The following SHISA5 variants were observed in gnomAD, a reference collection of about 807,000 sequenced individuals.
SHISA5 encodes the protein protein shisa-5.
A neutral mutation model predicts 27.5 loss-of-function variants in SHISA5; 21 were observed. The observed-to-expected ratio is 0.76, with a 90% CI of 0.54 to 1.10. The LOEUF is 1.10. SHISA5 is among the 50% of genes least tolerant of loss of function. The probability of loss-of-function intolerance (pLI) is 0.00; values close to 1 mark genes in which losing one functional copy is unlikely to be tolerated. For synonymous variants in SHISA5, 137 were observed against 142.2 expected, an observed-to-expected ratio of 0.96 and a Z score of 0.26; for missense variants, 314 against 336.3, an observed-to-expected ratio of 0.93 and a Z score of 0.52.
intron 2 of SHISA5, among the ~76,000 whole-genome samples, chr3:48,500,284 T>C (rs945295905): frequency 1.3e-5 from 2 of 152,164 alleles, no homozygotes; most frequent in Non-Finnish European, 2.9e-5. Flanking sequence ...AGCAGACGGT[T>C]GCCTGTGGGG....
intron 3 of SHISA5, among the ~76,000 whole-genome samples, chr3:48,472,855 A>C (rs766876697): frequency 7.9e-5 from 12 of 152,210 alleles, no homozygotes; most frequent in African/African-American, 1.2e-4. Flanking sequence ...AGCAGACTAC[A>C]GGTGTCTTCC....
chr3:48,469,834 C>A lies in SHISA5; in HGVS notation c.324G>T (p.Ala108=). The A allele has an allele frequency of 1.2e-6, 2 of 1,613,390 alleles. No homozygotes were observed. The highest frequency in any genetic ancestry group is 1.7e-6 in the Non-Finnish European group (2 of 1,179,694). Residue 108 remains alanine, a synonymous_variant, in exon 4 of 6, where the codon GCG becomes GCT. Transcript: ENST00000296444. This position sits in a 1 kb window ranked among gnomAD's most constrained non-coding sequence, Gnocchi z 4.6. The part of the protein sequence containing the change: ...GYNDPMSGFG[A]TLAVGLTIFV... ...AGATGGTCAGGCCAACGGCCAAGGT[C>A]GCTCCGAACCTGCCAAAGAGCTAGA... is the stretch of plus-strand genomic sequence containing the variant.
chr3:48,473,263 GC>G lies in SHISA5; in HGVS notation c.315-3421del. The G allele has an allele frequency of 7.1e-7, 1 of 1,413,918 alleles. No homozygotes were observed. The highest frequency in any genetic ancestry group is 9.2e-7 in the Non-Finnish European group (1 of 1,085,506). The allele number at this position is 1,413,918 out of a possible 1,614,324, so 87.6% of individuals were successfully genotyped here. The stretch of plus-strand genomic sequence containing the variant: ...GGGCGGGGGCCGGGGAGGAGGGGAA[GC>G]AGAGGTGCCCCATTTGCCTCCCAGA... On this transcript the variant is annotated intron_variant, in intron 3 of 5. Coordinates refer to ENST00000296444, the MANE Select transcript of SHISA5 (RefSeq NM_016479.6). This position sits in a 1 kb window ranked among gnomAD's most constrained non-coding sequence, Gnocchi z 4.3.
intron 2 of SHISA5, among the ~76,000 whole-genome samples, chr3:48,497,619 A>G (rs1404296305): frequency 3.3e-5 from 5 of 151,720 alleles, no homozygotes; most frequent in African/African-American, 9.7e-5. Flanking sequence ...GATTTCAGCT[A>G]GGTGCACCTG....
Position 48,469,629 on chromosome 3 carries a change from AG to A in SHISA5, c.431-57del. On this transcript the variant is annotated intron_variant, in intron 4 of 5. Coordinates refer to ENST00000296444, the MANE Select transcript of SHISA5 (RefSeq NM_016479.6). The surrounding 1 kb of genome is among the most constrained non-coding windows in gnomAD (Gnocchi z 4.6). ...TCCATCTCCCCAGGTCTTGAGAGCC[AG>A]GCTTGCCACCCATCCCTCCAGCTTA... 3 of 1,592,866 alleles carry A rather than the reference AG, an allele frequency of 1.9e-6. No homozygotes were observed. Among genetic ancestry groups the A allele is most frequent in the Non-Finnish European group, 2.6e-6 (3 of 1,168,398 alleles).
intron 2 of SHISA5, among the ~76,000 whole-genome samples, chr3:48,481,664 C>T (rs1306500947): frequency 7.3e-5 from 11 of 151,284 alleles, no homozygotes; most frequent in East Asian, 5.9e-4. Context: ...TGGTGGCCGC[C>T]TGTAATCCGC....
chr3:48,497,977 G>A (rs1365388908), intron 2 of SHISA5, among the ~76,000 whole-genome samples: 3 of 152,018 alleles, frequency 2.0e-5, no homozygotes, highest in South Asian at 2.1e-4. Flanking sequence ...AATGGAAGCC[G>A]GGAGACAGTA....
At chr3:48,472,936 G>C in intron 3 of SHISA5, 1 of 1,400,908 alleles carries the variant, frequency 7.1e-7, no homozygotes. Flanking sequence ...CGACCGCAAG[G>C]CCGTTATCAT....
chr3:48,468,802 G>C lies in SHISA5; in HGVS notation c.*305C>G. The C allele has an allele frequency of 6.9e-7, 1 of 1,444,638 alleles. No individual in the cohort carries two copies. Among genetic ancestry groups the C allele is most frequent in the South Asian group, 1.2e-5 (1 of 83,066 alleles). The allele number at this position is 1,444,638 out of a possible 1,614,324, so 89.5% of individuals were successfully genotyped here. A position where few individuals can be genotyped will look rare whatever the true frequency, so the allele number is the denominator to read the frequency against. ...CTGGAGAGGCCCCCACCTCTCAGGG[G>C]CCACCTCACAGGGTGCCCCCCACCA... On this transcript the variant is annotated 3_prime_UTR_variant, in exon 6 of 6. Coordinates refer to ENST00000296444, the MANE Select transcript of SHISA5 (RefSeq NM_016479.6).
chr3:48,502,252 C>G, intron 1 of SHISA5: 1 of 387,216 alleles, frequency 2.6e-6, no homozygotes, highest in South Asian at 1.9e-5. Context: ...CTGCAGGGGC[C>G]TGGCTCTCAC....
At chr3:48,500,989 G>A (rs762443208) in intron 2 of SHISA5, 148 bp downstream of exon 2, 196 of 892,126 alleles carry the variant, frequency 2.2e-4, no homozygotes, top group African/African-American at 1.7e-3. Context: ...GCCCAGAACA[G>A]GGGATCCCTA....
chr3:48,473,436 G>A lies in SHISA5; in HGVS notation c.315-3593C>T, dbSNP rs747269744. 2.2e-5 allele frequency: 29 copies of A among 1,299,660 alleles called. No homozygotes were observed. In the South Asian group the frequency reaches 3.6e-4, roughly 16 times the overall value. 80.5% of individuals were successfully genotyped at this position (1,299,660 alleles called of 1,614,324 possible). A position where few individuals can be genotyped will look rare whatever the true frequency, so the allele number is the denominator to read the frequency against. ...ACCCCCACTTCCACCTAACCCACCG[G>A]CCCTGTTCCACCAGCCTCCAGGAGG... On this transcript the variant is annotated intron_variant, in intron 3 of 5. Transcript: ENST00000296444. The surrounding 1 kb of genome is among the most constrained non-coding windows in gnomAD (Gnocchi z 4.3).
At chr3:48,499,864 CAAAAAAAAAA>C (rs55724575) in intron 2 of SHISA5, among the ~76,000 whole-genome samples, 1 of 47,038 alleles carries the variant, frequency 2.1e-5, no homozygotes, top group Non-Finnish European at 3.9e-5. Flanking sequence ...GACTCCGTCT[CAAAAAAAAAA>C]AAAAAAAAAA....
intron 2 of SHISA5, among the ~76,000 whole-genome samples, chr3:48,489,153 T>C (rs962780267): frequency 2.6e-5 from 4 of 151,054 alleles, no homozygotes; most frequent in African/African-American, 9.7e-5. Flanking sequence ...GCTTTGAATG[T>C]GGCCCAACAC....
In SHISA5 at chr3:48,468,945, A is replaced by T; in HGVS notation, c.*162T>A. 1 of 1,564,606 alleles carries T rather than the reference A, an allele frequency of 6.4e-7. No homozygotes were observed. The highest frequency in any genetic ancestry group is 8.6e-7 in the Non-Finnish European group (1 of 1,162,930). On this transcript the variant is annotated 3_prime_UTR_variant, in exon 6 of 6. Coordinates refer to ENST00000296444, the MANE Select transcript of SHISA5 (RefSeq NM_016479.6). ...TTGTTCCCCACCTTGTCAGCATCAG[A>T]GGAAGCCACATATACAGGCAGGACA...
Position 48,470,005 on chromosome 3 carries a change from G to A in SHISA5, c.315-162C>T, listed in dbSNP as rs1328086189. The stretch of plus-strand genomic sequence containing the variant: ...CACCTGTTTCAATCTGTTTCCTCTT[G>A]TGTAAACTGGGGTATATGTGAGTCC... On this transcript the variant is annotated intron_variant, in intron 3 of 5. Coordinates refer to ENST00000296444, the MANE Select transcript of SHISA5 (RefSeq NM_016479.6). The surrounding 1 kb of genome is among the most constrained non-coding windows in gnomAD (Gnocchi z 4.3). The A allele has an allele frequency of 4.4e-6, 4 of 903,704 alleles. No individual in the cohort carries two copies. The highest frequency in any genetic ancestry group is 6.7e-6 in the Non-Finnish European group (4 of 599,782). The allele number at this position is 903,704 out of a possible 1,614,324, so 56.0% of individuals were successfully genotyped here. A position where few individuals can be genotyped will look rare whatever the true frequency, so the allele number is the denominator to read the frequency against.
Position 48,501,165 on chromosome 3 carries a change from C to A in SHISA5, c.205G>T (p.Glu69Ter). Reference protein sequence around the residue: ...SDVLKKFVWSEERCAVPEASV... With the variant: ...SDVLKKFVWS ...GCCTCAGGCACAGCACACCTTTCCT[C>A]GCTCCACACAAATTTCTTCAGCACG... Residue 69 changes from glutamate (E) to a stop codon, truncating the protein, a stop_gained, in exon 2 of 6, where the codon GAG (glutamate) becomes TAG (stop). Transcript: ENST00000296444. LOFTEE classifies it high-confidence loss of function. The A allele has an allele frequency of 6.2e-7, 1 of 1,610,028 alleles. No homozygotes were observed. Among genetic ancestry groups the A allele is most frequent in the Non-Finnish European group, 8.5e-7 (1 of 1,178,334 alleles).
chr3:48,487,837 A>T (rs987778619), intron 2 of SHISA5, among the ~76,000 whole-genome samples: 3 of 152,276 alleles, frequency 2.0e-5, no homozygotes, highest in Admixed American at 6.5e-5. Context: ...CAGAGGTTGC[A>T]GTGAGCCAAG....
chr3:48,487,878 A>G (rs1249038086), intron 2 of SHISA5, among the ~76,000 whole-genome samples: 1 of 152,246 alleles, frequency 6.6e-6, no homozygotes, highest in African/African-American at 2.4e-5. Flanking sequence ...CCTGGGCAAC[A>G]GAGTGAGACT....
Sources: allele counts gnomAD v4.1 joint callset (sites outside exome capture counted in the v4.1 genomes callset), GRCh38; gene constraint gnomAD v4.1.1; non-coding constraint Gnocchi (gnomAD v3.1); transcripts MANE v1.5; gene names NCBI Gene and HGNC (gene_info 2026-07-23, HGNC 2026-07-21).